GALNTL6: variants seen among roughly 807,000 people sequenced by gnomAD.
GALNTL6 encodes polypeptide N-acetylgalactosaminyltransferase like 6.
In GALNTL6, 46 loss-of-function variants were observed where a neutral mutation model predicts 73.7. The observed-to-expected ratio is 0.62, with a 90% CI of 0.49 to 0.80. The LOEUF is 0.80. Ranked by LOEUF, GALNTL6 falls within the 30% of genes least tolerant of loss-of-function variation. The pLI, the probability that GALNTL6 is intolerant of heterozygous loss-of-function variation, is 0.00. For synonymous variants in GALNTL6, 259 were observed against 263.7 expected (o/e 0.98, Z 0.17); for missense variants, 604 against 755.0 (o/e 0.80, Z 2.34).
intron 12 of GALNTL6, among the ~76,000 whole-genome samples, chr4:173,035,004 C>T (rs1206971810): frequency 6.6e-6 from 1 of 151,846 alleles, no homozygotes. Flanking sequence ...TATATTTTTT[C>T]ATATGTTCTT....
At chr4:172,120,944 C>T (rs1323583151) in intron 2 of GALNTL6, among the ~76,000 whole-genome samples, 1 of 151,848 alleles carries the variant, frequency 6.6e-6, no homozygotes. Context: ...GCACCTTTTC[C>T]TCTAGGCAAA....
At chr4:172,923,138 A>G (rs1240211909) in intron 8 of GALNTL6, among the ~76,000 whole-genome samples, 2 of 152,168 alleles carry the variant, frequency 1.3e-5, no homozygotes, top group Non-Finnish European at 2.9e-5. Flanking sequence ...AAGAGAGTTT[A>G]TTAGTTTGTT....
intron 2 of GALNTL6, among the ~76,000 whole-genome samples, chr4:171,980,139 G>T (rs1739853970): frequency 6.6e-6 from 1 of 152,054 alleles, no homozygotes; most frequent in African/African-American, 2.4e-5. Flanking sequence ...GAAGAAACAG[G>T]CATTATTAAA....
At chr4:172,299,741 T>C (rs1332126610) in intron 3 of GALNTL6, among the ~76,000 whole-genome samples, 1 of 152,200 alleles carries the variant, frequency 6.6e-6, no homozygotes, top group Admixed American at 6.5e-5. Context: ...GACAGTTTGT[T>C]ATAATTTCTG....
intron 2 of GALNTL6, among the ~76,000 whole-genome samples, chr4:172,002,264 T>A (rs1740698138): frequency 6.6e-6 from 1 of 152,172 alleles, no homozygotes. Flanking sequence ...TATGTGAAGT[T>A]TTTGGGAGGT....
intron 2 of GALNTL6, among the ~76,000 whole-genome samples, chr4:171,908,361 G>A (rs2076690687): frequency 6.6e-6 from 1 of 152,062 alleles, no homozygotes; most frequent in Admixed American, 6.5e-5. Context: ...CTTCTCAAAA[G>A]AAGACATTTA....
At position 172,802,684 on chromosome 4, in the gene GALNTL6, T is replaced by G. The variant is rs1278354359; in HGVS notation, c.554-6677T>G. ...CAGGCATGGTGGTGCATGGTTGTAGTCCCAGCTACTTGGGAGGCTAAGGCA... is the reference window on the plus strand; with the variant it reads ...CAGGCATGGTGGTGCATGGTTGTAGGCCCAGCTACTTGGGAGGCTAAGGCA... On this transcript the variant is annotated intron_variant, in intron 5 of 12. Transcript: ENST00000506823. Among the ~76,000 whole-genome samples the G allele has an allele frequency of 2.6e-5, 4 of 152,116 alleles. No individual in the cohort carries two copies. In the South Asian group the frequency reaches 6.2e-4, roughly 24 times the overall value.
At chr4:172,727,749 T>G (rs754037815) in intron 5 of GALNTL6, among the ~76,000 whole-genome samples, 2 of 152,108 alleles carry the variant, frequency 1.3e-5, no homozygotes, top group Non-Finnish European at 2.9e-5. Flanking sequence ...AGAAATAATT[T>G]AAATGTCAAA....
intron 7 of GALNTL6, among the ~76,000 whole-genome samples, chr4:172,851,888 G>T (rs1332623785): frequency 2.0e-5 from 3 of 152,310 alleles, no homozygotes; most frequent in Non-Finnish European, 2.9e-5. Flanking sequence ...CAAATGACAA[G>T]ATTCTGGATG....
intron 7 of GALNTL6, among the ~76,000 whole-genome samples, chr4:172,850,874 A>G (rs1404096362): frequency 1.3e-5 from 2 of 152,182 alleles, no homozygotes; most frequent in African/African-American, 4.8e-5. Flanking sequence ...GCCAAATTAA[A>G]AGATGTGTAG....
intron 2 of GALNTL6, among the ~76,000 whole-genome samples, chr4:171,958,025 GTGT>G (rs1739108306): frequency 6.6e-6 from 1 of 152,142 alleles, no homozygotes; most frequent in Non-Finnish European, 1.5e-5. Flanking sequence ...AAGCACCTTT[GTGT>G]AAGTAATATG....
chr4:172,441,039 C>T (rs967812882), intron 5 of GALNTL6, among the ~76,000 whole-genome samples: 2 of 151,988 alleles, frequency 1.3e-5, no homozygotes, highest in African/African-American at 4.8e-5. Context: ...AATTTTTTCT[C>T]ATATTTTATG....
Position 173,009,291 on chromosome 4 carries a change from A to G in GALNTL6, c.1485A>G (p.Glu495=). 1 of 1,601,168 alleles carries G rather than the reference A, an allele frequency of 6.2e-7. No individual in the cohort carries two copies. The highest frequency in any genetic ancestry group is 8.6e-7 in the Non-Finnish European group (1 of 1,168,230). The stretch of plus-strand genomic sequence containing the variant: ...GTTCTGAAAGAACATGGTCTCATGA[A>G]CAGGTGAGTCACCTCCCAGAAGCCA... ...KDGSERTWSH[E]QLFTFGWRED... Residue 495 remains glutamate, a synonymous_variant, in exon 11 of 13, where the codon GAA becomes GAG. Coordinates refer to ENST00000506823, the MANE Select transcript of GALNTL6 (RefSeq NM_001034845.3).
intron 4 of GALNTL6, among the ~76,000 whole-genome samples, chr4:172,327,367 T>C (rs1416108223): frequency 2.6e-5 from 4 of 152,144 alleles, no homozygotes; most frequent in Non-Finnish European, 4.4e-5. Flanking sequence ...GAAAAATGTA[T>C]ATTTTGTTGT....
intron 4 of GALNTL6, among the ~76,000 whole-genome samples, chr4:172,313,858 A>G (rs1249653705): frequency 6.6e-6 from 1 of 152,206 alleles, no homozygotes; most frequent in Non-Finnish European, 1.5e-5. Flanking sequence ...GGATAAAAAG[A>G]AAGTGTTAAG....
chr4:172,185,452 G>A (rs566432864), intron 2 of GALNTL6, among the ~76,000 whole-genome samples: 3 of 152,196 alleles, frequency 2.0e-5, no homozygotes, highest in East Asian at 3.9e-4. Flanking sequence ...TACATCACAG[G>A]TTGTTTGTAT....
intron 11 of GALNTL6, among the ~76,000 whole-genome samples, chr4:173,020,557 A>C (rs1036904571): frequency 6.6e-6 from 1 of 152,208 alleles, no homozygotes; most frequent in Non-Finnish European, 1.5e-5. Flanking sequence ...AAAACTTTCT[A>C]CATTGCCCTG....
chr4:172,731,219 C>A, intron 5 of GALNTL6, among the ~76,000 whole-genome samples: 1 of 151,996 alleles, frequency 6.6e-6, no homozygotes, highest in Non-Finnish European at 1.5e-5. Context: ...CAGCTTTGAT[C>A]TAATTACTCA....
At chr4:172,412,170 A>G (rs1163930827) in intron 5 of GALNTL6, among the ~76,000 whole-genome samples, 1 of 152,026 alleles carries the variant, frequency 6.6e-6, no homozygotes, top group Admixed American at 6.6e-5. Context: ...CAGCCTCCCA[A>G]GTGCCTAAGA....
Sources: gnomAD v4.1 joint callset for allele counts (sites outside exome capture counted in the v4.1 genomes callset) on GRCh38, gnomAD v4.1.1 for gene constraint, MANE v1.5 for transcripts, NCBI Gene and HGNC (gene_info 2026-07-23, HGNC 2026-07-21) for gene names.